The following RSPO2 variants were observed in gnomAD, a reference collection of about 807,000 sequenced individuals.
The protein encoded by RSPO2 is R-spondin-2.
In RSPO2, 14 loss-of-function variants were observed where a neutral mutation model predicts 30.9. The observed-to-expected ratio is 0.45, with a 90% CI of 0.30 to 0.71. RSPO2 has a LOEUF of 0.71. Among genes scored for constraint, RSPO2 ranks in the 30% least tolerant of loss-of-function variants. The probability of loss-of-function intolerance (pLI) is 0.08; values close to 1 mark genes in which losing one functional copy is unlikely to be tolerated. For synonymous variants in RSPO2, 107 were observed against 96.4 expected, an observed-to-expected ratio of 1.11 and a Z score of -0.64; for missense variants, 264 against 301.9, an observed-to-expected ratio of 0.87 and a Z score of 0.93.
chr8:107,917,584 T>C (rs1812021030), intron 5 of RSPO2, among the ~76,000 whole-genome samples: 1 of 152,196 alleles, frequency 6.6e-6, no homozygotes, highest in South Asian at 2.1e-4. Context: ...TTATTAAGTA[T>C]GTCATTTTCT....
intron 2 of RSPO2, chr8:108,081,756 G>A (rs925031731): frequency 2.6e-5 from 6 of 233,252 alleles, no homozygotes; most frequent in Non-Finnish European, 4.2e-5. Context: ...GAGGGAGGGA[G>A]CAGTTAAAAA....
chr8:108,080,408 T>C (rs1056017052), intron 2 of RSPO2, among the ~76,000 whole-genome samples: 2 of 152,240 alleles, frequency 1.3e-5, no homozygotes, highest in African/African-American at 4.8e-5. Flanking sequence ...TTGAATTTTA[T>C]TAAATCGAAA....
At chr8:107,945,184 C>G (rs909559884) in intron 5 of RSPO2, among the ~76,000 whole-genome samples, 1 of 145,594 alleles carries the variant, frequency 6.9e-6, no homozygotes, top group Non-Finnish European at 1.5e-5. Flanking sequence ...CTATGAGATT[C>G]AATTTGGTAA....
At chr8:107,997,446 A>G (rs9297407) in intron 2 of RSPO2, among the ~76,000 whole-genome samples, 15,807 of 152,192 alleles carry the variant, frequency 0.1, 2,089 homozygotes, top group African/African-American at 0.31. Context: ...GCTGAGATCC[A>G]GAGCCTTATC....
chr8:107,960,866 T>G (rs1813605105), intron 3 of RSPO2, 49 bp from the exon 4 acceptor site: 2 of 1,402,006 alleles, frequency 1.4e-6, no homozygotes, highest in East Asian at 2.5e-5. Flanking sequence ...CAAAGAAATT[T>G]ACTTGTTTTA....
chr8:107,931,606 T>A (rs999081322), intron 5 of RSPO2, among the ~76,000 whole-genome samples: 3 of 152,128 alleles, frequency 2.0e-5, no homozygotes, highest in African/African-American at 7.2e-5. Context: ...ACAAGTAACA[T>A]GAAACAACCA....
At chr8:107,920,554 C>T (rs1260865366) in intron 5 of RSPO2, among the ~76,000 whole-genome samples, 3 of 152,118 alleles carry the variant, frequency 2.0e-5, no homozygotes, top group African/African-American at 7.2e-5. Context: ...AGGATTCAAG[C>T]ATAAATCCCC....
intron 2 of RSPO2, among the ~76,000 whole-genome samples, chr8:108,034,483 G>C (rs1811529297): frequency 6.6e-6 from 1 of 152,198 alleles, no homozygotes. Context: ...CATGATATCA[G>C]AGATTTGCTT....
chr8:108,068,921 C>G (rs894827991), intron 2 of RSPO2, among the ~76,000 whole-genome samples: 2 of 152,142 alleles, frequency 1.3e-5, no homozygotes, highest in Non-Finnish European at 2.9e-5. Context: ...TTCACACCAT[C>G]CAGTTTGTAG....
chr8:107,927,603 TG>T (rs1167867444), intron 5 of RSPO2, among the ~76,000 whole-genome samples: 1 of 152,220 alleles, frequency 6.6e-6, no homozygotes, highest in Non-Finnish European at 1.5e-5. Flanking sequence ...GTTTTTAGCA[TG>T]AAGGGCTACT....
intron 3 of RSPO2, among the ~76,000 whole-genome samples, chr8:107,972,365 C>T (rs367852610): frequency 1.3e-5 from 2 of 151,998 alleles, no homozygotes; most frequent in South Asian, 2.1e-4. Flanking sequence ...AGGCAGGTCT[C>T]GAACTCCTGA....
At chr8:107,962,349 C>G (rs1813655264) in intron 3 of RSPO2, among the ~76,000 whole-genome samples, 1 of 151,988 alleles carries the variant, frequency 6.6e-6, no homozygotes, top group Non-Finnish European at 1.5e-5. Context: ...TTAAAAATGC[C>G]AACTCTTTGC....
intron 2 of RSPO2, among the ~76,000 whole-genome samples, chr8:108,067,973 G>A (rs1247312122): frequency 6.6e-6 from 1 of 152,118 alleles, no homozygotes; most frequent in Non-Finnish European, 1.5e-5. Context: ...GGAGGCTGAG[G>A]CGGGAGAATC....
chr8:107,926,824 T>G (rs1170413357), intron 5 of RSPO2, among the ~76,000 whole-genome samples: 1 of 152,190 alleles, frequency 6.6e-6, no homozygotes, highest in South Asian at 2.1e-4. Flanking sequence ...TGAAGTCAGG[T>G]AGCATGATGC....
intron 3 of RSPO2, among the ~76,000 whole-genome samples, chr8:107,980,379 G>GT (rs1262152327): frequency 1.3e-5 from 2 of 152,114 alleles, no homozygotes; most frequent in Non-Finnish European, 2.9e-5. Context: ...TACTAATACT[G>GT]TTGGGAAAAC....
In RSPO2 at chr8:107,939,478, C is replaced by CT. The variant is rs10558817; in HGVS notation, c.616+18601dup. Among the ~76,000 whole-genome samples the CT allele has an allele frequency of 7.8e-3, 1,100 of 140,440 alleles. 10 individuals carry two copies. The highest frequency in any genetic ancestry group is 0.012 in the Non-Finnish European group (783 of 65,592). The allele number at this position is 140,440 out of a possible 152,430, so 92.1% of individuals were successfully genotyped here. On this transcript the variant is annotated intron_variant, in intron 5 of 5. Coordinates refer to ENST00000276659, the MANE Select transcript of RSPO2 (RefSeq NM_178565.5). ...CGACAATTTAAATAAATTAAATTATCTTTTTTTTTTTTTTTTTTTTTAACA... is the reference window on the plus strand; with the variant it reads ...CGACAATTTAAATAAATTAAATTATCTTTTTTTTTTTTTTTTTTTTTTAACA...
intron 2 of RSPO2, among the ~76,000 whole-genome samples, chr8:108,036,962 T>C (rs1327704228): frequency 6.6e-6 from 1 of 152,190 alleles, no homozygotes; most frequent in Non-Finnish European, 1.5e-5. Context: ...TTCTGACTGC[T>C]CCACTAACTG....
At chr8:107,906,734 TAAGATAAA>T (rs1347890310) in intron 5 of RSPO2, among the ~76,000 whole-genome samples, 1 of 152,030 alleles carries the variant, frequency 6.6e-6, no homozygotes, top group Non-Finnish European at 1.5e-5. Flanking sequence ...CTATGTAGCC[TAAGATAAA>T]AATCTTCCTA....
At chr8:107,970,839 T>TGTCCA (rs1218995868) in intron 3 of RSPO2, among the ~76,000 whole-genome samples, 1 of 152,240 alleles carries the variant, frequency 6.6e-6, no homozygotes, top group East Asian at 1.9e-4. Context: ...TTGACATTTA[T>TGTCCA]GTCCAGTCCT....
Sources: gnomAD v4.1 joint callset for allele counts (sites outside exome capture counted in the v4.1 genomes callset) on GRCh38, gnomAD v4.1.1 for gene constraint, MANE v1.5 for transcripts, NCBI Gene and HGNC (gene_info 2026-07-23, HGNC 2026-07-21) for gene names.